The following DNER variants were observed in gnomAD, a reference collection of about 807,000 sequenced individuals.
DNER encodes delta and Notch-like epidermal growth factor-related receptor.
Under a neutral mutation model 78.2 loss-of-function variants are expected in DNER, and 33 were observed. The observed-to-expected ratio is 0.42, with a 90% CI of 0.32 to 0.56. DNER has a LOEUF of 0.56. Ranked by LOEUF, DNER falls within the 20% of genes least tolerant of loss-of-function variation. The probability of loss-of-function intolerance (pLI) is 0.11; values close to 1 mark genes in which losing one functional copy is unlikely to be tolerated. For synonymous variants in DNER, 417 were observed against 384.8 expected (o/e 1.08, Z -0.98); for missense variants, 918 against 975.3 (o/e 0.94, Z 0.78).
chr2:229,589,902 G>A (rs1353105933), intron 2 of DNER, among the ~76,000 whole-genome samples: 4 of 83,860 alleles, frequency 4.8e-5, no homozygotes, highest in African/African-American at 1.2e-4. Context: ...TAAGCTGTGT[G>A]GTAATACAAA....
chr2:229,503,349 G>A (rs1056484597), intron 6 of DNER, among the ~76,000 whole-genome samples: 3 of 152,190 alleles, frequency 2.0e-5, no homozygotes, highest in African/African-American at 7.2e-5. Flanking sequence ...ATTGTTACCA[G>A]CAGTCTGGAC....
chr2:229,707,073 A>G lies in DNER; in HGVS notation c.276+7075T>C, dbSNP rs1456975254. ...CTTCAGCCCAGGCTGGAGTGCAGTGATGCGATCTCGGCTCACTGCAACCTC... is the reference window on the plus strand; with the variant it reads ...CTTCAGCCCAGGCTGGAGTGCAGTGGTGCGATCTCGGCTCACTGCAACCTC... On this transcript the variant is annotated intron_variant, in intron 1 of 12. Coordinates refer to ENST00000341772, the MANE Select transcript of DNER (RefSeq NM_139072.4). Among the ~76,000 whole-genome samples the G allele has an allele frequency of 2.0e-5, 3 of 150,312 alleles. No homozygotes were observed. The South Asian group carries it at 6.3e-4, about 32-fold the overall frequency.
intron 10 of DNER, among the ~76,000 whole-genome samples, chr2:229,393,029 GAAATA>G (rs1383037162): frequency 6.6e-6 from 1 of 151,850 alleles, no homozygotes; most frequent in Non-Finnish European, 1.5e-5. Flanking sequence ...TTCAAAATGT[GAAATA>G]AAATATAAAA....
At position 229,637,748 on chromosome 2, in the gene DNER, G is replaced by A. The variant is rs1386090683; in HGVS notation, c.277-45860C>T. On this transcript the variant is annotated intron_variant, in intron 1 of 12. Transcript: ENST00000341772. ...GTGCGTTTTTTTTCTTTTTGCTGGA[G>A]AGTCAGCTGTTAAATATTTACCACT... 2.0e-5 allele frequency among the ~76,000 whole-genome samples: 3 copies of A among 152,272 alleles called. No homozygotes were observed. The East Asian group carries it at 5.8e-4, about 29-fold the overall frequency.
intron 10 of DNER, among the ~76,000 whole-genome samples, chr2:229,395,893 G>A (rs1184830607): frequency 6.6e-6 from 1 of 151,758 alleles, no homozygotes; most frequent in African/African-American, 2.4e-5. Flanking sequence ...GCAAGACTCT[G>A]TCTCAAAAAA....
intron 10 of DNER, among the ~76,000 whole-genome samples, chr2:229,395,522 C>T (rs1362057855): frequency 6.6e-6 from 1 of 152,116 alleles, no homozygotes; most frequent in East Asian, 1.9e-4. Context: ...AAAATGGGAT[C>T]CTTGGTTTTG....
intron 4 of DNER, among the ~76,000 whole-genome samples, chr2:229,579,710 A>G (rs1697359119): frequency 6.6e-6 from 1 of 152,132 alleles, no homozygotes; most frequent in African/African-American, 2.4e-5. Flanking sequence ...CCAAGGGCCC[A>G]CTGAGCCTAA....
intron 1 of DNER, chr2:229,702,014 G>A (rs768760692): frequency 1.0e-5 from 2 of 196,552 alleles, no homozygotes; most frequent in Non-Finnish European, 2.2e-5. Flanking sequence ...TAGGAGAAAA[G>A]CCTTATTGGA....
intron 6 of DNER, among the ~76,000 whole-genome samples, chr2:229,489,966 C>T (rs888549022): frequency 3.3e-5 from 5 of 150,470 alleles, no homozygotes; most frequent in Admixed American, 6.6e-5. Context: ...GTTGCAGTAA[C>T]GAGGAAGAGA....
chr2:229,661,182 T>A (rs1699004308), intron 1 of DNER, among the ~76,000 whole-genome samples: 1 of 152,196 alleles, frequency 6.6e-6, no homozygotes, highest in South Asian at 2.1e-4. Context: ...TAAGTGTCTT[T>A]GCCAAAGACA....
At position 229,367,060 on chromosome 2, in the gene DNER, G is replaced by T. The variant is rs749630300; in HGVS notation, c.1915C>A (p.Leu639Ile). 1.2e-5 allele frequency: 20 copies of T among 1,614,012 alleles called. No homozygotes were observed. The highest frequency in any genetic ancestry group is 1.7e-5 in the Non-Finnish European group (20 of 1,180,026). The change falls in exon 12 of 13, where the codon CTC becomes ATC. Residue 639 changes from leucine to isoleucine, a missense_variant. By Grantham distance (5) the Leu-to-Ile change is conservative. Transcript: ENST00000341772. ...ESLTNMPRHS[L>I]YIIIGALCVA... is the part of the protein sequence containing the mutation. ...CAGAGGGCTCCAATGATGATGTAGA[G>T]GGAGTGCCGTGGCATGTTGGTGAGG...
At chr2:229,539,590 A>C (rs754791646) in intron 5 of DNER, among the ~76,000 whole-genome samples, 3 of 152,244 alleles carry the variant, frequency 2.0e-5, no homozygotes, top group Admixed American at 1.3e-4. Flanking sequence ...CTTAAAGTAC[A>C]GATCTAACTC....
At chr2:229,705,158 G>A (rs1158409932) in intron 1 of DNER, among the ~76,000 whole-genome samples, 1 of 152,204 alleles carries the variant, frequency 6.6e-6, no homozygotes. Context: ...AGAAGGACTA[G>A]ATACTTTTCT....
At chr2:229,438,721 A>G (rs1694176033) in intron 8 of DNER, among the ~76,000 whole-genome samples, 1 of 152,212 alleles carries the variant, frequency 6.6e-6, no homozygotes, top group Non-Finnish European at 1.5e-5. Context: ...CACAGCTACC[A>G]CTTGAAAAAT....
intron 1 of DNER, among the ~76,000 whole-genome samples, chr2:229,690,035 C>T (rs894507236): frequency 5.9e-5 from 9 of 152,242 alleles, no homozygotes; most frequent in African/African-American, 2.2e-4. Context: ...TATTTCCTTT[C>T]TGTGGGTCAC....
At chr2:229,555,822 C>A (rs1696845461) in intron 4 of DNER, among the ~76,000 whole-genome samples, 1 of 151,962 alleles carries the variant, frequency 6.6e-6, no homozygotes, top group Non-Finnish European at 1.5e-5. Flanking sequence ...TGGTGATTAC[C>A]TTTGGTAGAG....
At chr2:229,539,915 G>C (rs183775052) in intron 5 of DNER, among the ~76,000 whole-genome samples, 23 of 152,230 alleles carry the variant, frequency 1.5e-4, no homozygotes, top group African/African-American at 5.5e-4. Context: ...CTGTCCCTGC[G>C]GCCTTGTAAC....
rs1451089599 is a variant in DNER at position 229,667,887 on chromosome 2, A to T, written c.276+46261T>A. ...GATAGTCATGGTATCAACAGGCTCC[A>T]CCCTTCACCAGGGAATGTGAACAAA... On this transcript the variant is annotated intron_variant, in intron 1 of 12. Coordinates refer to ENST00000341772, the MANE Select transcript of DNER (RefSeq NM_139072.4). Among the ~76,000 whole-genome samples the T allele has an allele frequency of 3.3e-5, 5 of 152,180 alleles. No individual in the cohort carries two copies. The East Asian group carries it at 9.6e-4, about 29-fold the overall frequency.
At chr2:229,681,166 T>C (rs552914945) in intron 1 of DNER, among the ~76,000 whole-genome samples, 1 of 152,198 alleles carries the variant, frequency 6.6e-6, no homozygotes, top group Non-Finnish European at 1.5e-5. Context: ...TGATATCATA[T>C]GGCCTGCAAA....
Sources: gnomAD v4.1 joint callset for allele counts (sites outside exome capture counted in the v4.1 genomes callset) on GRCh38, gnomAD v4.1.1 for gene constraint, MANE v1.5 for transcripts, NCBI Gene and HGNC (gene_info 2026-07-23, HGNC 2026-07-21) for gene names.